Variants in GSAP observed in about 807,000 individuals in gnomAD.
GSAP encodes the protein gamma-secretase-activating protein.
Under a neutral mutation model 131.7 loss-of-function variants are expected in GSAP, and 118 were observed. The observed-to-expected ratio is 0.90, with a 90% confidence interval of 0.77 to 1.04. The LOEUF (loss-of-function observed/expected upper bound fraction) is 1.04. Among genes scored for constraint, GSAP ranks in the 50% least tolerant of loss-of-function variants. GSAP has a pLI of 0.00. For missense variants in GSAP, 1,019 were observed against 1,013.2 expected (o/e 1.01, Z -0.08); for synonymous variants, 381 against 363.4 (o/e 1.05, Z -0.55).
At chr7:77,379,466 A>G (rs1379607706) in intron 8 of GSAP, among the ~76,000 whole-genome samples, 1 of 152,012 alleles carries the variant, frequency 6.6e-6, no homozygotes, top group African/African-American at 2.4e-5. Context: ...TCTTGGAAGA[A>G]CACATGTGAA....
Position 77,329,407 on chromosome 7 carries a change from C to G in GSAP, c.1675-16G>C. 6.6e-7 allele frequency: 1 copy of G among 1,516,366 alleles called. No individual in the cohort carries two copies. The highest frequency in any genetic ancestry group is 9.0e-7 in the Non-Finnish European group (1 of 1,107,118). The allele number at this position is 1,516,366 out of a possible 1,614,324, so 93.9% of individuals were successfully genotyped here. A position where few individuals can be genotyped will look rare whatever the true frequency, so the allele number is the denominator to read the frequency against. On this transcript the variant is annotated splice_polypyrimidine_tract_variant and intron_variant, in intron 20 of 30. Coordinates refer to ENST00000257626, the MANE Select transcript of GSAP (RefSeq NM_017439.4). ...TTCCTGTTTTCTAGGAGTGAGAACA[C>G]GTCAGAAATGTGGAAGGTAAAGGTT...
At chr7:77,360,268 A>T (rs1794337349) in intron 14 of GSAP, among the ~76,000 whole-genome samples, 1 of 152,222 alleles carries the variant, frequency 6.6e-6, no homozygotes, top group African/African-American at 2.4e-5. Flanking sequence ...GGCATGGAAA[A>T]GCAGCTTTCA....
At chr7:77,312,008 T>C (rs1005123275) in intron 29 of GSAP, 68 bp from the exon 30 acceptor site, 29 of 1,199,668 alleles carry the variant, frequency 2.4e-5, no homozygotes, top group Non-Finnish European at 3.2e-5. Context: ...AATAAAGTGA[T>C]AAGAACTGTA....
chr7:77,391,252 G>A (rs1433158257), intron 5 of GSAP, among the ~76,000 whole-genome samples: 3 of 151,486 alleles, frequency 2.0e-5, no homozygotes, highest in African/African-American at 7.3e-5. Context: ...CCTTTAAAAT[G>A]GGAAGATCTT....
intron 3 of GSAP, among the ~76,000 whole-genome samples, chr7:77,401,097 G>C (rs1265397706): frequency 6.6e-6 from 1 of 151,814 alleles, no homozygotes; most frequent in African/African-American, 2.4e-5. Flanking sequence ...CCGGGTGACT[G>C]TAACAAAAGA....
At chr7:77,359,478 T>C (rs1440219345) in intron 14 of GSAP, among the ~76,000 whole-genome samples, 2 of 152,156 alleles carry the variant, frequency 1.3e-5, no homozygotes, top group African/African-American at 4.8e-5. Context: ...TTCTTTAATA[T>C]ATTAATCAAT....
intron 1 of GSAP, chr7:77,415,922 A>C: frequency 1.9e-5 from 6 of 322,834 alleles, no homozygotes; most frequent in Non-Finnish European, 3.4e-5. Flanking sequence ...TGCTGAGGGA[A>C]CCGCCAGCGG....
At chr7:77,345,209 C>G (rs1185515915) in intron 19 of GSAP, among the ~76,000 whole-genome samples, 1 of 152,182 alleles carries the variant, frequency 6.6e-6, no homozygotes, top group Non-Finnish European at 1.5e-5. Context: ...CAGGCCATCA[C>G]CAATCATTCT....
rs181516143 is a variant in GSAP at position 77,404,718 on chromosome 7, C to T, written c.187-103G>A. On this transcript the variant is annotated intron_variant, in intron 2 of 30. Transcript: ENST00000257626. ...GCAATAACTCAATCTTAGCAGTAAGCACTCTAAAAGAAGCTTTCTGTGCCT... is the reference window on the plus strand; with the variant it reads ...GCAATAACTCAATCTTAGCAGTAAGTACTCTAAAAGAAGCTTTCTGTGCCT... 68 of 700,986 alleles carry T rather than the reference C, an allele frequency of 9.7e-5. No individual in the cohort carries two copies. The Admixed American group carries it at 1.7e-3, about 17-fold the overall frequency. 43.4% of individuals were successfully genotyped at this position (700,986 alleles called of 1,614,324 possible).
At chr7:77,343,894 G>C (rs1791394258) in intron 19 of GSAP, among the ~76,000 whole-genome samples, 1 of 152,142 alleles carries the variant, frequency 6.6e-6, no homozygotes, top group Non-Finnish European at 1.5e-5. Flanking sequence ...CTATCCTCAA[G>C]GAAATCACTT....
At chr7:77,407,809 A>T (rs1306717365) in intron 1 of GSAP, among the ~76,000 whole-genome samples, 1 of 152,218 alleles carries the variant, frequency 6.6e-6, no homozygotes, top group African/African-American at 2.4e-5. Context: ...AGGGACACAT[A>T]AGAATGTCTA....
intron 12 of GSAP, among the ~76,000 whole-genome samples, chr7:77,373,046 A>G (rs1288447226): frequency 6.6e-6 from 1 of 152,174 alleles, no homozygotes; most frequent in African/African-American, 2.4e-5. Flanking sequence ...GGCCATTTTC[A>G]GGACTAAGAA....
intron 19 of GSAP, among the ~76,000 whole-genome samples, chr7:77,344,669 C>T (rs2150783708): frequency 6.6e-6 from 1 of 152,350 alleles, no homozygotes; most frequent in South Asian, 2.1e-4. Context: ...CCAGTCTTAA[C>T]TCCCTTTTAG....
intron 3 of GSAP, among the ~76,000 whole-genome samples, chr7:77,397,827 T>C (rs1800674186): frequency 6.6e-6 from 1 of 152,194 alleles, no homozygotes; most frequent in African/African-American, 2.4e-5. Context: ...ATAATCTACA[T>C]GAAGCACTTA....
At chr7:77,397,089 T>C in intron 4 of GSAP, 54 bp from the exon 5 acceptor site, 1 of 1,224,474 alleles carries the variant, frequency 8.2e-7, no homozygotes, top group Non-Finnish European at 1.2e-6. Context: ...GGTAGCTTGT[T>C]AAAGTTTACC....
chr7:77,366,137 C>A (rs1378947054), intron 12 of GSAP, among the ~76,000 whole-genome samples: 1 of 151,908 alleles, frequency 6.6e-6, no homozygotes, highest in East Asian at 1.9e-4. Context: ...GGATACTAGG[C>A]CTTTGTCAGA....
At chr7:77,322,985 T>G (rs1787869355) in intron 24 of GSAP, among the ~76,000 whole-genome samples, 1 of 151,932 alleles carries the variant, frequency 6.6e-6, no homozygotes. Flanking sequence ...AATAATGGAG[T>G]GTTCTTTCTC....
chr7:77,391,178 CT>C (rs58633837), intron 5 of GSAP, among the ~76,000 whole-genome samples: 28 of 137,626 alleles, frequency 2.0e-4, no homozygotes, highest in South Asian at 7.1e-4. Context: ...ATATATTTGG[CT>C]TTTTTTTTTA....
intron 3 of GSAP, among the ~76,000 whole-genome samples, chr7:77,402,411 A>AAT (rs1554435131): frequency 7.9e-4 from 107 of 136,176 alleles, no homozygotes; most frequent in African/African-American, 2.2e-3. Flanking sequence ...AGAAAAAAAA[A>AAT]ATATATATAT....
Sources: gnomAD v4.1 joint callset for allele counts (sites outside exome capture counted in the v4.1 genomes callset) on GRCh38, gnomAD v4.1.1 for gene constraint, MANE v1.5 for transcripts, NCBI Gene and HGNC (gene_info 2026-07-23, HGNC 2026-07-21) for gene names.